HEATR4: variants seen among roughly 807,000 people sequenced by gnomAD.
HEATR4 encodes the protein HEAT repeat-containing protein 4.
HEATR4 carries 95 observed loss-of-function variants against 108.8 expected under a neutral mutation model. The ratio of observed to expected loss-of-function variants is 0.87; its 90% confidence interval spans 0.74 to 1.04. HEATR4 has a LOEUF of 1.04. Ranked by LOEUF, HEATR4 falls within the 50% of genes least tolerant of loss-of-function variation. The pLI is 0.00. For missense variants in HEATR4, 1,152 were observed against 1,253.8 expected, an observed-to-expected ratio of 0.92 and a Z score of 1.23; for synonymous variants, 443 against 459.4, an observed-to-expected ratio of 0.96 and a Z score of 0.46.
At chr14:73,479,564 A>G (rs1255524560) in intron 17 of HEATR4, among the ~76,000 whole-genome samples, 1 of 148,896 alleles carries the variant, frequency 6.7e-6, no homozygotes, top group Admixed American at 6.7e-5. Flanking sequence ...TCAGCCTCCC[A>G]AGTAGCTGGG....
At chr14:73,632,624 AC>A in the HEATR4 span, among the ~76,000 whole-genome samples, 1 of 151,962 alleles carries the variant, frequency 6.6e-6, no homozygotes, top group Non-Finnish European at 1.5e-5. Context: ...CAGGGGGATC[AC>A]CTGAGGTCAG....
chr14:73,505,832 G>A (rs984692770), intron 10 of HEATR4, among the ~76,000 whole-genome samples: 3 of 150,760 alleles, frequency 2.0e-5, no homozygotes, highest in Admixed American at 6.6e-5. Context: ...GGGGAAATAT[G>A]TCATTGACTG....
the HEATR4 span, chr14:73,569,434 C>A: frequency 6.2e-7 from 1 of 1,613,852 alleles, no homozygotes; most frequent in Non-Finnish European, 8.5e-7. Context: ...CGGATGGCGG[C>A]GACGCTGATC....
the HEATR4 span, chr14:73,569,400 G>A: frequency 6.2e-7 from 1 of 1,614,004 alleles, no homozygotes; most frequent in African/African-American, 1.3e-5. Flanking sequence ...GAGGCAGGTT[G>A]GTCAGATCAT....
At chr14:73,552,784 C>T (rs1160789904) in intron 1 of HEATR4, among the ~76,000 whole-genome samples, 1 of 106,222 alleles carries the variant, frequency 9.4e-6, no homozygotes, top group African/African-American at 3.5e-5. Flanking sequence ...ACCCGCTGCT[C>T]CAGCCTGGCA....
chr14:73,526,669 AT>A (rs1888358451), intron 2 of HEATR4, among the ~76,000 whole-genome samples: 1 of 152,198 alleles, frequency 6.6e-6, no homozygotes, highest in Non-Finnish European at 1.5e-5. Flanking sequence ...CCTAAGCTAC[AT>A]TTCCAGACCT....
chr14:73,567,053 C>T, the HEATR4 span, among the ~76,000 whole-genome samples: 4 of 151,908 alleles, frequency 2.6e-5, no homozygotes, highest in East Asian at 3.9e-4. Flanking sequence ...ATGATCCACC[C>T]GCCTCAGCCT....
the HEATR4 span, among the ~76,000 whole-genome samples, chr14:73,573,752 G>C: frequency 3.3e-5 from 5 of 150,648 alleles, no homozygotes; most frequent in Non-Finnish European, 7.4e-5. Context: ...TTTTGAGATG[G>C]AGTCTCACTC....
rs1257472315 is a variant in HEATR4, at chr14:73,538,796, C to T, written c.-151-8552G>A. On this transcript the variant is annotated intron_variant, in intron 1 of 17. Coordinates refer to ENST00000553558, the MANE Select transcript of HEATR4 (RefSeq NM_001220484.1). The stretch of plus-strand genomic sequence containing the variant: ...CAGCCTGGCCAACATGGTGAAACCC[C>T]GTCTCTACTAAAAATACAAAAATTA... Among the ~76,000 whole-genome samples, 7 of 112,160 alleles carry T rather than the reference C, an allele frequency of 6.2e-5. 2 individuals are homozygous for T. The highest frequency in any genetic ancestry group is 2.0e-4 in the African/African-American group (7 of 34,356). 73.6% of individuals were successfully genotyped at this position (112,160 alleles called of 152,430 possible).
the HEATR4 span, among the ~76,000 whole-genome samples, chr14:73,598,071 C>T: frequency 6.2e-4 from 94 of 151,370 alleles, no homozygotes; most frequent in African/African-American, 2.1e-3. Flanking sequence ...TGGCATTTCC[C>T]TCATCAAAAG....
At chr14:73,613,236 C>T in the HEATR4 span, among the ~76,000 whole-genome samples, 1 of 152,140 alleles carries the variant, frequency 6.6e-6, no homozygotes, top group African/African-American at 2.4e-5. Flanking sequence ...AACTCCTGGG[C>T]TCAAGTCCTC....
chr14:73,603,351 T>G, the HEATR4 span, among the ~76,000 whole-genome samples: 6 of 146,192 alleles, frequency 4.1e-5, no homozygotes, highest in South Asian at 4.1e-4. Context: ...CTGTTTTTTT[T>G]GTTTTTTGTT....
At chr14:73,625,093 T>A in the HEATR4 span, among the ~76,000 whole-genome samples, 8 of 152,160 alleles carry the variant, frequency 5.3e-5, no homozygotes, top group Non-Finnish European at 8.8e-5. Context: ...GGAGTCTTGC[T>A]CTGTTGCCAG....
rs1885281118 is a variant in HEATR4, at chr14:73,482,106, C to T, written c.2845-3264G>A. On this transcript the variant is annotated intron_variant, in intron 17 of 17. Transcript: ENST00000553558. The stretch of plus-strand genomic sequence containing the variant: ...GAGGGTTGAATAAGTGAAGCACAGG[C>T]CGGGCACACTGGCTCACGCCTGTAA... 1.3e-5 allele frequency among the ~76,000 whole-genome samples: 2 copies of T among 152,124 alleles called. 1 individual carries two copies. The highest frequency in any genetic ancestry group is 2.9e-5 in the Non-Finnish European group (2 of 68,012).
intron 5 of HEATR4, among the ~76,000 whole-genome samples, chr14:73,514,551 G>A (rs1161230763): frequency 6.6e-6 from 1 of 152,096 alleles, no homozygotes; most frequent in African/African-American, 2.4e-5. Flanking sequence ...ACATAAATAT[G>A]TTTATATGTA....
chr14:73,528,114 G>C (rs900989742), intron 2 of HEATR4, among the ~76,000 whole-genome samples: 1 of 151,992 alleles, frequency 6.6e-6, no homozygotes, highest in African/African-American at 2.4e-5. Context: ...TCTTAAGGAG[G>C]CTATGCGCGG....
At chr14:73,585,639 G>C in the HEATR4 span, among the ~76,000 whole-genome samples, 3,463 of 151,702 alleles carry the variant, frequency 0.023, 137 homozygotes, top group African/African-American at 0.079. Flanking sequence ...CAATGAGCCG[G>C]GATCGCACCA....
the HEATR4 span, among the ~76,000 whole-genome samples, chr14:73,624,370 C>T: frequency 1.3e-5 from 2 of 152,094 alleles, no homozygotes; most frequent in South Asian, 4.1e-4. Flanking sequence ...CTCAGGTGAT[C>T]CACCTGCCTC....
chr14:73,608,372 G>T, the HEATR4 span, among the ~76,000 whole-genome samples: 1 of 151,986 alleles, frequency 6.6e-6, no homozygotes, highest in African/African-American at 2.4e-5. Context: ...AGATCTCTGG[G>T]GCAGGGGCAA....
Sources: gnomAD v4.1 joint callset for allele counts (sites outside exome capture counted in the v4.1 genomes callset) on GRCh38, gnomAD v4.1.1 for gene constraint, MANE v1.5 for transcripts, NCBI Gene and HGNC (gene_info 2026-07-23, HGNC 2026-07-21) for gene names.